The following CNTNAP2 variants were observed in gnomAD, a reference collection of about 807,000 sequenced individuals.
CNTNAP2 encodes the protein contactin associated protein 2.
A neutral mutation model predicts 155.2 loss-of-function variants in CNTNAP2; 98 were observed. The observed-to-expected ratio is 0.63, with a 90% CI of 0.54 to 0.75. The LOEUF is 0.75. CNTNAP2 is among the 30% of genes least tolerant of loss of function. The pLI is 0.00. For synonymous variants in CNTNAP2, 651 were observed against 631.2 expected, an observed-to-expected ratio of 1.03 and a Z score of -0.47; for missense variants, 1,727 against 1,688.1, an observed-to-expected ratio of 1.02 and a Z score of -0.40.
chr7:146,598,805 A>AAAT (rs1391659125), intron 1 of CNTNAP2, among the ~76,000 whole-genome samples: 1 of 152,076 alleles, frequency 6.6e-6, no homozygotes, highest in African/African-American at 2.4e-5. Context: ...CTGAGGAAAA[A>AAAT]AATACATAGA....
chr7:148,073,380 A>G (rs1168490796), intron 15 of CNTNAP2, among the ~76,000 whole-genome samples: 3 of 152,216 alleles, frequency 2.0e-5, no homozygotes, highest in African/African-American at 7.2e-5. Context: ...ATTAAATGGA[A>G]AATTTGAAAA....
chr7:147,447,566 G>A (rs113595159), intron 10 of CNTNAP2, among the ~76,000 whole-genome samples: 14 of 151,980 alleles, frequency 9.2e-5, no homozygotes, highest in South Asian at 6.2e-4. Context: ...ACAGGCGCGC[G>A]CCACCAAGCC....
chr7:146,631,781 T>C (rs1799514508), intron 1 of CNTNAP2, among the ~76,000 whole-genome samples: 1 of 152,178 alleles, frequency 6.6e-6, no homozygotes, highest in Non-Finnish European at 1.5e-5. Flanking sequence ...GGTATTTTTT[T>C]AAGAATCTCT....
At chr7:146,661,153 C>T (rs534304467) in intron 1 of CNTNAP2, among the ~76,000 whole-genome samples, 12 of 152,292 alleles carry the variant, frequency 7.9e-5, no homozygotes, top group Non-Finnish European at 1.6e-4. Flanking sequence ...CCCAAAAACA[C>T]ACTCTCCTTT....
At chr7:148,034,890 TCAGA>T (rs916604576) in intron 15 of CNTNAP2, among the ~76,000 whole-genome samples, 5 of 152,202 alleles carry the variant, frequency 3.3e-5, no homozygotes, top group Admixed American at 3.3e-4. Context: ...TGATGAAGTC[TCAGA>T]CAGAAATGAG....
chr7:148,123,714 A>G, intron 16 of CNTNAP2, among the ~76,000 whole-genome samples: 21 of 147,226 alleles, frequency 1.4e-4, no homozygotes, highest in African/African-American at 4.6e-4. Flanking sequence ...GAAACAGAGA[A>G]AGAAAGAAAA....
intron 13 of CNTNAP2, among the ~76,000 whole-genome samples, chr7:147,831,284 G>T (rs758391882): frequency 3.7e-4 from 56 of 152,080 alleles, no homozygotes; most frequent in African/African-American, 1.3e-3. Context: ...CCCCAAGTAC[G>T]CCTGTATTCT....
chr7:147,406,789 T>C (rs1008627043), intron 10 of CNTNAP2, among the ~76,000 whole-genome samples: 75 of 152,334 alleles, frequency 4.9e-4, no homozygotes, highest in African/African-American at 1.6e-3. Flanking sequence ...AATGAGTCTG[T>C]AATAAATTTT....
intron 20 of CNTNAP2, 108 bp downstream of exon 20, chr7:148,229,887 GC>G (rs1194521131): frequency 2.3e-6 from 3 of 1,283,086 alleles, no homozygotes; most frequent in Non-Finnish European, 2.2e-6. Flanking sequence ...TAGAAGAGAT[GC>G]TTTTTACACT....
intron 1 of CNTNAP2, among the ~76,000 whole-genome samples, chr7:146,214,148 T>C (rs147460693): frequency 1.3e-5 from 2 of 152,336 alleles, no homozygotes; most frequent in African/African-American, 4.8e-5. Context: ...TTCATTTTCT[T>C]AAAGAAGGAC....
rs1370753640 is a variant in CNTNAP2, at chr7:146,482,026, T to G, written c.98-292245T>G. 2.0e-5 allele frequency among the ~76,000 whole-genome samples: 3 copies of G among 152,088 alleles called. No individual in the cohort carries two copies. The South Asian group carries it at 6.2e-4, about 32-fold the overall frequency. On this transcript the variant is annotated intron_variant, in intron 1 of 23. Transcript: ENST00000361727. ...TGCCTATATATAAAGCTCAACTTAC[T>G]AGGAGTAAAACAATCAATAATAAAA... is the stretch of plus-strand genomic sequence containing the variant.
chr7:147,558,743 T>TC (rs1562996096), intron 11 of CNTNAP2, among the ~76,000 whole-genome samples: 1 of 122,204 alleles, frequency 8.2e-6, no homozygotes, highest in Admixed American at 8.2e-5. Flanking sequence ...CTTCCTTCCT[T>TC]TCTTCCTTCC....
At chr7:147,571,062 A>G (rs1584821795) in intron 12 of CNTNAP2, among the ~76,000 whole-genome samples, 1 of 152,272 alleles carries the variant, frequency 6.6e-6, no homozygotes, top group South Asian at 2.1e-4. Flanking sequence ...CAGAGGACAC[A>G]TTTTAAATGA....
At position 148,215,079 on chromosome 7, in the gene CNTNAP2, A is replaced by G. The variant is rs147225582; in HGVS notation, c.3011-2209A>G. Among the ~76,000 whole-genome samples, 978 of 152,304 alleles carry G rather than the reference A, an allele frequency of 6.4e-3. 7 individuals carry two copies. The highest frequency in any genetic ancestry group is 0.022 in the African/African-American group (932 of 41,562). ...AGCTATAGTTAAGTCTTTTCCTTAC[A>G]ACTTGGTGAGAAGCAATGGACTCCG... On this transcript the variant is annotated intron_variant, in intron 18 of 23. Transcript: ENST00000361727.
At chr7:147,338,751 T>C (rs903679954) in intron 9 of CNTNAP2, among the ~76,000 whole-genome samples, 1 of 152,146 alleles carries the variant, frequency 6.6e-6, no homozygotes, top group South Asian at 2.1e-4. Context: ...AATTTTATTT[T>C]TATTAAGTGA....
At chr7:146,223,636 TTACTATCTTCTTAACTGGAATA>T in intron 1 of CNTNAP2, among the ~76,000 whole-genome samples, 1 of 152,142 alleles carries the variant, frequency 6.6e-6, no homozygotes, top group African/African-American at 2.4e-5. Context: ...AAACATGGAG[TTACTATCTTCTTAACTGGAATA>T]GGTAGAAATA....
At chr7:146,246,834 G>T (rs1190395083) in intron 1 of CNTNAP2, among the ~76,000 whole-genome samples, 1 of 152,184 alleles carries the variant, frequency 6.6e-6, no homozygotes, top group Non-Finnish European at 1.5e-5. Flanking sequence ...CAGATTTCTG[G>T]CACTTGTAGC....
intron 1 of CNTNAP2, among the ~76,000 whole-genome samples, chr7:146,556,999 A>G (rs1034138534): frequency 2.0e-5 from 3 of 152,116 alleles, no homozygotes; most frequent in African/African-American, 7.3e-5. Context: ...AAAGTTGTAC[A>G]TATATTAAGA....
intron 1 of CNTNAP2, among the ~76,000 whole-genome samples, chr7:146,322,399 G>T (rs1003410500): frequency 6.6e-6 from 1 of 152,058 alleles, no homozygotes; most frequent in Non-Finnish European, 1.5e-5. Flanking sequence ...ATGTTTAGAG[G>T]CATTTTATGA....
Sources: allele counts gnomAD v4.1 joint callset (sites outside exome capture counted in the v4.1 genomes callset), GRCh38; gene constraint gnomAD v4.1.1; transcripts MANE v1.5; gene names NCBI Gene and HGNC (gene_info 2026-07-23, HGNC 2026-07-21).